Variants in DTWD2 observed in about 807,000 individuals in gnomAD.
DTWD2 encodes the protein DTW motif tRNA-uridine aminocarboxypropyltransferase 2, also known as tRNA-uridine aminocarboxypropyltransferase 2.
Under a neutral mutation model 31.8 loss-of-function variants are expected in DTWD2, and 39 were observed. The observed-to-expected ratio is 1.22, with a 90% CI of 0.95 to 1.60. The LOEUF (loss-of-function observed/expected upper bound fraction) is 1.60, where lower values mean the gene tolerates loss of function less well. Ranked by LOEUF, DTWD2 falls within the 40% of genes most tolerant of loss-of-function variation. DTWD2 has a pLI of 0.00. For synonymous variants in DTWD2, 180 were observed against 142.8 expected, an observed-to-expected ratio of 1.26 and a Z score of -1.86; for missense variants, 515 against 381.5, an observed-to-expected ratio of 1.35 and a Z score of -2.92.
intron 4 of DTWD2, among the ~76,000 whole-genome samples, chr5:118,849,329 C>A (rs576858082): frequency 6.6e-6 from 1 of 152,094 alleles, no homozygotes; most frequent in Non-Finnish European, 1.5e-5. Flanking sequence ...CAATGAGATA[C>A]CACCTCACTC....
intron 1 of DTWD2, among the ~76,000 whole-genome samples, chr5:118,972,696 C>G (rs1029456224): frequency 2.6e-5 from 4 of 152,162 alleles, no homozygotes; most frequent in African/African-American, 9.7e-5. Flanking sequence ...CTCCAATATC[C>G]CTGATGAACA....
At chr5:118,924,731 AG>A (rs1753774618) in intron 4 of DTWD2, among the ~76,000 whole-genome samples, 1 of 152,208 alleles carries the variant, frequency 6.6e-6, no homozygotes, top group Admixed American at 6.5e-5. Context: ...TTACAATCGA[AG>A]TTTTCCATTT....
intron 1 of DTWD2, among the ~76,000 whole-genome samples, chr5:118,985,490 T>TTATTTATATA (rs1554072596): frequency 1.0e-4 from 10 of 95,418 alleles, no homozygotes; most frequent in African/African-American, 3.4e-4. Flanking sequence ...ATGTGCATTT[T>TTATTTATATA]TATATATATA....
chr5:118,893,576 G>C (rs1199250377), intron 4 of DTWD2, among the ~76,000 whole-genome samples: 1 of 152,014 alleles, frequency 6.6e-6, no homozygotes, highest in African/African-American at 2.4e-5. Context: ...AATTTTTGTA[G>C]ATGTGATCAA....
chr5:118,846,004 T>C (rs898139196), intron 5 of DTWD2, among the ~76,000 whole-genome samples: 8 of 152,166 alleles, frequency 5.3e-5, no homozygotes, highest in Non-Finnish European at 1.0e-4. Context: ...GAAGAGGCCC[T>C]AAAACAACGT....
rs1755490635 is a variant in DTWD2 at position 118,988,503 on chromosome 5, C to G, written c.9G>C (p.Ser3=). 2 of 1,567,828 alleles carry G rather than the reference C, an allele frequency of 1.3e-6. No homozygotes were observed. Among genetic ancestry groups the G allele is most frequent in the East Asian group, 2.5e-5 (1 of 40,342 alleles). Residue 3 remains serine (S), a synonymous_variant, in exon 1 of 6, where the codon TCG becomes TCC. Coordinates refer to ENST00000510708, the MANE Select transcript of DTWD2 (RefSeq NM_173666.4). Reference sequence around the variant, plus strand: ...CCTGGAGTGTTCGTGCCTCTTTCTGCGACTCCATGGCGGACACTCCGGTCA... The same window carrying G: ...CCTGGAGTGTTCGTGCCTCTTTCTGGGACTCCATGGCGGACACTCCGGTCA... ME[S]QKEARTLQEP...
At chr5:118,914,760 T>G (rs757227236) in intron 4 of DTWD2, among the ~76,000 whole-genome samples, 141 of 151,850 alleles carry the variant, frequency 9.3e-4, no homozygotes, top group Non-Finnish European at 1.6e-3. Context: ...CAAGTAAGGG[T>G]GGTTTCTTCC....
chr5:118,981,296 A>G (rs921849253), intron 1 of DTWD2, among the ~76,000 whole-genome samples: 5 of 152,222 alleles, frequency 3.3e-5, no homozygotes, highest in African/African-American at 1.2e-4. Context: ...CACACATTAT[A>G]TATTTAATGT....
chr5:118,896,334 G>A (rs1753083012), intron 4 of DTWD2, among the ~76,000 whole-genome samples: 1 of 151,890 alleles, frequency 6.6e-6, no homozygotes, highest in African/African-American at 2.4e-5. Context: ...TTCTTCTGGA[G>A]AATAAAAATT....
chr5:118,974,705 T>C (rs751804288), intron 1 of DTWD2: 9 of 509,824 alleles, frequency 1.8e-5, no homozygotes, highest in Admixed American at 1.6e-4. Context: ...TTTTCCTTTT[T>C]TGTCTATGAA....
chr5:118,855,510 C>T (rs1369219433), intron 4 of DTWD2, among the ~76,000 whole-genome samples: 3 of 151,580 alleles, frequency 2.0e-5, no homozygotes, highest in African/African-American at 7.3e-5. Context: ...GTATATTATA[C>T]CAATAAAGAA....
At chr5:118,901,055 T>G (rs1206185626) in intron 4 of DTWD2, among the ~76,000 whole-genome samples, 2 of 151,908 alleles carry the variant, frequency 1.3e-5, no homozygotes, top group African/African-American at 4.8e-5. Flanking sequence ...ATATATTTTA[T>G]ATTCTGCAAA....
At chr5:118,979,942 T>C (rs1412123622) in intron 1 of DTWD2, among the ~76,000 whole-genome samples, 1 of 152,220 alleles carries the variant, frequency 6.6e-6, no homozygotes, top group Non-Finnish European at 1.5e-5. Flanking sequence ...CAAACCACCA[T>C]GGCACATGTT....
At chr5:118,965,185 G>T (rs1351043798) in intron 1 of DTWD2, among the ~76,000 whole-genome samples, 2 of 151,412 alleles carry the variant, frequency 1.3e-5, no homozygotes, top group African/African-American at 4.9e-5. Context: ...TCTGAGAAGT[G>T]AGGAGCCCCT....
At chr5:118,879,735 T>C (rs747015366) in intron 4 of DTWD2, among the ~76,000 whole-genome samples, 3 of 151,874 alleles carry the variant, frequency 2.0e-5, no homozygotes, top group Admixed American at 6.6e-5. Flanking sequence ...TTCTTACTTA[T>C]ACGTAGAGCT....
At chr5:118,968,344 T>C (rs1172112852) in intron 1 of DTWD2, among the ~76,000 whole-genome samples, 1 of 152,022 alleles carries the variant, frequency 6.6e-6, no homozygotes, top group Non-Finnish European at 1.5e-5. Flanking sequence ...ATTCTGAACA[T>C]AGTTAACAGT....
At chr5:118,881,728 A>G (rs930040780) in intron 4 of DTWD2, among the ~76,000 whole-genome samples, 1 of 152,260 alleles carries the variant, frequency 6.6e-6, no homozygotes, top group East Asian at 1.9e-4. Context: ...AGAGAGCACA[A>G]TAGAAAACTG....
chr5:118,862,615 A>G (rs189865209), intron 4 of DTWD2, among the ~76,000 whole-genome samples: 95 of 152,300 alleles, frequency 6.2e-4, no homozygotes, highest in African/African-American at 2.2e-3. Flanking sequence ...AATACTATAC[A>G]TATATACCAA....
At chr5:118,961,595 CA>C (rs1754707985) in intron 1 of DTWD2, among the ~76,000 whole-genome samples, 1 of 152,186 alleles carries the variant, frequency 6.6e-6, no homozygotes. Context: ...CCTCATGTAG[CA>C]GAATCCTCTG....
Sources: allele counts gnomAD v4.1 joint callset (sites outside exome capture counted in the v4.1 genomes callset), GRCh38; gene constraint gnomAD v4.1.1; transcripts MANE v1.5; gene names NCBI Gene and HGNC (gene_info 2026-07-23, HGNC 2026-07-21).